The following NKAIN2 variants were observed in gnomAD, a reference collection of about 807,000 sequenced individuals.
NKAIN2 encodes sodium/potassium transporting ATPase interacting 2.
NKAIN2 carries 14 observed loss-of-function variants against 32.6 expected under a neutral mutation model. The observed-to-expected ratio is 0.43, with a 90% confidence interval of 0.28 to 0.67. The LOEUF is 0.67. Ranked by LOEUF, NKAIN2 falls within the 30% of genes least tolerant of loss-of-function variation. The probability of loss-of-function intolerance (pLI) is 0.17; values close to 1 mark genes in which losing one functional copy is unlikely to be tolerated. For synonymous variants in NKAIN2, 80 were observed against 87.2 expected (o/e 0.92, Z 0.46); for missense variants, 198 against 258.3 (o/e 0.77, Z 1.60).
At chr6:123,856,580 C>G (rs1321597966) in intron 1 of NKAIN2, among the ~76,000 whole-genome samples, 1 of 152,128 alleles carries the variant, frequency 6.6e-6, no homozygotes, top group Non-Finnish European at 1.5e-5. Flanking sequence ...AGAATCTTGC[C>G]TCAGGGATAT....
At chr6:124,415,616 T>C (rs777681461) in intron 3 of NKAIN2, among the ~76,000 whole-genome samples, 2 of 152,132 alleles carry the variant, frequency 1.3e-5, no homozygotes, top group Non-Finnish European at 2.9e-5. Context: ...TTCTCCTAGA[T>C]GATTGGAGGG....
intron 1 of NKAIN2, among the ~76,000 whole-genome samples, chr6:124,084,132 G>A (rs1452771556): frequency 6.6e-6 from 1 of 151,900 alleles, no homozygotes; most frequent in Non-Finnish European, 1.5e-5. Flanking sequence ...CCATACAAGA[G>A]AGGGAAAATA....
At chr6:124,463,762 A>G (rs1776629513) in intron 3 of NKAIN2, among the ~76,000 whole-genome samples, 2 of 152,110 alleles carry the variant, frequency 1.3e-5, no homozygotes, top group African/African-American at 2.4e-5. Flanking sequence ...TACTAAATGT[A>G]TTATTTAAAG....
intron 3 of NKAIN2, among the ~76,000 whole-genome samples, chr6:124,581,177 C>T (rs1396403087): frequency 6.6e-6 from 1 of 152,186 alleles, no homozygotes; most frequent in East Asian, 1.9e-4. Flanking sequence ...CGGTGGCTCA[C>T]GCCTGTAATC....
At chr6:124,191,719 C>T (rs1790031032) in intron 1 of NKAIN2, among the ~76,000 whole-genome samples, 1 of 152,072 alleles carries the variant, frequency 6.6e-6, no homozygotes, top group African/African-American at 2.4e-5. Flanking sequence ...AAGGTTAGCC[C>T]TTGGTTTTCC....
chr6:124,218,972 G>T (rs969821425), intron 1 of NKAIN2, among the ~76,000 whole-genome samples: 9 of 152,166 alleles, frequency 5.9e-5, no homozygotes, highest in Non-Finnish European at 8.8e-5. Context: ...GAGAAGCAAG[G>T]CACCTTCTTC....
chr6:124,364,186 A>G (rs924984769), intron 3 of NKAIN2, among the ~76,000 whole-genome samples: 5 of 151,248 alleles, frequency 3.3e-5, no homozygotes, highest in African/African-American at 1.2e-4. Flanking sequence ...AACTTGAGAA[A>G]TAATTGATTA....
At chr6:124,220,676 T>C (rs1467332986) in intron 1 of NKAIN2, among the ~76,000 whole-genome samples, 1 of 151,736 alleles carries the variant, frequency 6.6e-6, no homozygotes, top group African/African-American at 2.4e-5. Flanking sequence ...TGTTTTCTAA[T>C]AATTTTGCCC....
intron 3 of NKAIN2, among the ~76,000 whole-genome samples, chr6:124,649,273 A>T (rs1243156144): frequency 6.6e-6 from 1 of 152,204 alleles, no homozygotes; most frequent in Non-Finnish European, 1.5e-5. Flanking sequence ...TACTAATATT[A>T]TCAATGAAAG....
At chr6:124,381,365 CT>C (rs1772627018) in intron 3 of NKAIN2, among the ~76,000 whole-genome samples, 1 of 152,054 alleles carries the variant, frequency 6.6e-6, no homozygotes, top group African/African-American at 2.4e-5. Flanking sequence ...TAAATCAAAA[CT>C]TTTACAGTTC....
chr6:124,491,856 A>G, intron 3 of NKAIN2, among the ~76,000 whole-genome samples: 1 of 151,960 alleles, frequency 6.6e-6, no homozygotes, highest in Non-Finnish European at 1.5e-5. Flanking sequence ...CCAGTAAACT[A>G]AAAAGTTACT....
At chr6:124,591,434 C>T (rs541203518) in intron 3 of NKAIN2, among the ~76,000 whole-genome samples, 3 of 152,156 alleles carry the variant, frequency 2.0e-5, no homozygotes, top group African/African-American at 7.2e-5. Flanking sequence ...GAGAGCCAAG[C>T]CTTCAAACCA....
chr6:123,956,320 T>A (rs925296514), intron 1 of NKAIN2, among the ~76,000 whole-genome samples: 2 of 152,192 alleles, frequency 1.3e-5, no homozygotes, highest in African/African-American at 2.4e-5. Context: ...CCAATGTGAC[T>A]GTATTTGGAA....
chr6:124,679,523 A>AT (rs1562320362), intron 4 of NKAIN2, among the ~76,000 whole-genome samples: 1 of 151,922 alleles, frequency 6.6e-6, no homozygotes, highest in Admixed American at 6.6e-5. Context: ...AGTGCCATCG[A>AT]TTTTTCTGGC....
rs957217647 is a variant in NKAIN2, at chr6:124,679,108, A to C, written c.474+20722A>C. Among the ~76,000 whole-genome samples, 3 of 152,242 alleles carry C rather than the reference A, an allele frequency of 2.0e-5. No individual in the cohort carries two copies. In the South Asian group the frequency reaches 6.2e-4, roughly 32 times the overall value. ...GTATACTAGGTCTCATTAGGACTCCAAGACAGTCAAGAGAGAAGCCAGTCC... is the reference window on the plus strand; with the variant it reads ...GTATACTAGGTCTCATTAGGACTCCCAGACAGTCAAGAGAGAAGCCAGTCC... On this transcript the variant is annotated intron_variant, in intron 4 of 6. Transcript: ENST00000368417.
chr6:123,837,061 A>G (rs1200667246), intron 1 of NKAIN2, among the ~76,000 whole-genome samples: 1 of 152,156 alleles, frequency 6.6e-6, no homozygotes, highest in Non-Finnish European at 1.5e-5. Flanking sequence ...TGCTCATTAT[A>G]AGTATCAGAA....
chr6:124,727,096 G>C (rs1025659753), intron 4 of NKAIN2, among the ~76,000 whole-genome samples: 7 of 152,162 alleles, frequency 4.6e-5, no homozygotes, highest in African/African-American at 7.2e-5. Context: ...GTACCTGAAA[G>C]TGAAGTGGAG....
intron 5 of NKAIN2, among the ~76,000 whole-genome samples, chr6:124,803,735 A>G (rs566365949): frequency 7.2e-5 from 11 of 152,230 alleles, no homozygotes; most frequent in African/African-American, 2.4e-4. Flanking sequence ...AAATTTTAGT[A>G]AATTCTAATA....
At chr6:124,464,624 A>G (rs1394582175) in intron 3 of NKAIN2, among the ~76,000 whole-genome samples, 1 of 152,038 alleles carries the variant, frequency 6.6e-6, no homozygotes, top group African/African-American at 2.4e-5. Flanking sequence ...GTAACAAAGC[A>G]CTTACCATTA....
Sources: allele counts gnomAD v4.1 joint callset (sites outside exome capture counted in the v4.1 genomes callset), GRCh38; gene constraint gnomAD v4.1.1; transcripts MANE v1.5; gene names NCBI Gene and HGNC (gene_info 2026-07-23, HGNC 2026-07-21).